The following MLKL variants were observed in gnomAD, a reference collection of about 807,000 sequenced individuals.
MLKL encodes mixed lineage kinase domain-like protein.
Under a neutral mutation model 56.5 loss-of-function variants are expected in MLKL, and 55 were observed. That is an observed-to-expected ratio of 0.97 (90% CI 0.78 to 1.22). The LOEUF (loss-of-function observed/expected upper bound fraction) is 1.22. Ranked by LOEUF, MLKL falls within the 50% of genes most tolerant of loss-of-function variation. The pLI, the probability that MLKL is intolerant of heterozygous loss-of-function variation, is 0.00. For synonymous variants in MLKL, 251 were observed against 208.3 expected, an observed-to-expected ratio of 1.20 and a Z score of -1.76; for missense variants, 694 against 573.9, an observed-to-expected ratio of 1.21 and a Z score of -2.14.
In MLKL at chr16:74,675,514, T is replaced by C. The variant is rs1167660430; in HGVS notation, c.1190+99A>G. 3 of 1,565,348 alleles carry C rather than the reference T, an allele frequency of 1.9e-6. No individual in the cohort carries two copies. In the African/African-American group the frequency reaches 4.1e-5, roughly 21 times the overall value. ...ATTTTTTGATTACTACCCAATTTCA[T>C]TCAACAGAGTTGAGTTTAGGTGGTC... On this transcript the variant is annotated intron_variant, in intron 8 of 10. Transcript: ENST00000308807.
intron 4 of MLKL, 76 bp downstream of exon 4, chr16:74,691,201 G>C: frequency 7.2e-7 from 1 of 1,383,556 alleles, no homozygotes; most frequent in Non-Finnish European, 9.8e-7. Context: ...TCTAAAAATG[G>C]AGACGATATC....
At chr16:74,692,176 A>G (rs940344245) in intron 3 of MLKL, among the ~76,000 whole-genome samples, 166 bp downstream of exon 3, 7 of 152,234 alleles carry the variant, frequency 4.6e-5, no homozygotes, top group African/African-American at 1.7e-4. Flanking sequence ...TTCCATGGAC[A>G]GAAGCCTGGG....
intron 1 of MLKL, among the ~76,000 whole-genome samples, chr16:74,699,614 A>G (rs949603978): frequency 1.3e-5 from 2 of 152,062 alleles, no homozygotes; most frequent in Non-Finnish European, 2.9e-5. Context: ...CTGCAGTGCT[A>G]TTTATAATAT....
intron 4 of MLKL, 43 bp from the exon 5 acceptor site, chr16:74,685,626 G>T (rs910612910): frequency 6.6e-7 from 1 of 1,515,906 alleles, no homozygotes; most frequent in Admixed American, 1.7e-5. Context: ...AGAACTGGAA[G>T]GTTCCTTAGA....
chr16:74,685,429 A>T, intron 5 of MLKL, 57 bp downstream of exon 5: 1 of 1,275,406 alleles, frequency 7.8e-7, no homozygotes, highest in South Asian at 1.2e-5. Flanking sequence ...ACATTAAAAC[A>T]CAGGAGGTGT....
intron 5 of MLKL, 46 bp downstream of exon 5, chr16:74,685,440 G>T: frequency 7.0e-7 from 1 of 1,428,686 alleles, no homozygotes; most frequent in Non-Finnish European, 9.9e-7. Context: ...CAGGAGGTGT[G>T]TTCTAGGCCA....
intron 2 of MLKL, among the ~76,000 whole-genome samples, chr16:74,693,065 A>G (rs1280384693): frequency 1.3e-5 from 2 of 152,204 alleles, no homozygotes; most frequent in Non-Finnish European, 2.9e-5. Context: ...GGTAGAAGTA[A>G]TATCTGTGCA....
chr16:74,678,114 T>C (rs181144501), intron 7 of MLKL: 1 of 152,406 alleles, frequency 6.6e-6, no homozygotes, highest in Admixed American at 6.5e-5. Context: ...ACCCACCTAA[T>C]GGGAGCCTCT....
intron 1 of MLKL, among the ~76,000 whole-genome samples, chr16:74,697,002 TATATA>T (rs1417389540): frequency 5.5e-5 from 8 of 146,524 alleles, no homozygotes; most frequent in African/African-American, 1.8e-4. Context: ...GTAATACATA[TATATA>T]ATATTACATA....
At chr16:74,673,249 G>T (rs892956000) in intron 10 of MLKL, among the ~76,000 whole-genome samples, 1 of 152,026 alleles carries the variant, frequency 6.6e-6, no homozygotes, top group East Asian at 1.9e-4. Context: ...ACAGAGTCTT[G>T]CTCTGTCACC....
At position 74,672,401 on chromosome 16, in the gene MLKL, C is replaced by T. The variant is rs1431882316; in HGVS notation, c.*103G>A. ...CAGAGAAGCGTGCCCACTCCTTGCA[C>T]CCATAGATAACCCAATGCCGAAGGA... On this transcript the variant is annotated 3_prime_UTR_variant, in exon 11 of 11. Coordinates refer to ENST00000308807, the MANE Select transcript of MLKL (RefSeq NM_152649.4). 13 of 1,102,704 alleles carry T rather than the reference C, an allele frequency of 1.2e-5. No individual in the cohort carries two copies. In the East Asian group the frequency reaches 2.6e-4, roughly 22 times the overall value. 68.3% of individuals were successfully genotyped at this position (1,102,704 alleles called of 1,614,324 possible). A position where few individuals can be genotyped will look rare whatever the true frequency, so the allele number is the denominator to read the frequency against.
At position 74,675,409 on chromosome 16, in the gene MLKL, A is replaced by G; in HGVS notation, c.1191-5T>C. 1 of 1,613,402 alleles carries G rather than the reference A, an allele frequency of 6.2e-7. No individual in the cohort carries two copies. Among genetic ancestry groups the G allele is most frequent in the Admixed American group, 1.7e-5 (1 of 60,006 alleles). ...TCCCAGAGGACGATTCCAAAGCTAA[A>G]AGAAAACCAAGAAACTGAACAACCA... On this transcript the variant is annotated splice_polypyrimidine_tract_variant and splice_region_variant and intron_variant, in intron 8 of 10. Transcript: ENST00000308807.
chr16:74,674,917 A>G (rs374253590), intron 10 of MLKL, 43 bp downstream of exon 10: 1 of 1,583,818 alleles, frequency 6.3e-7, no homozygotes, highest in Non-Finnish European at 8.6e-7. Flanking sequence ...CAAGTGTGAA[A>G]TAATGATGGG....
rs545461473 is a variant in MLKL at position 74,683,041 on chromosome 16, T to C, written c.821-255A>G. ...TAAAAAAAAAATTGGCTGGGTGCGT[T>C]GGCTCATGCCTGTAATCCCAGCACT... On this transcript the variant is annotated intron_variant, in intron 5 of 10. Coordinates refer to ENST00000308807, the MANE Select transcript of MLKL (RefSeq NM_152649.4). Among the ~76,000 whole-genome samples the C allele has an allele frequency of 2.3e-4, 35 of 152,306 alleles. 1 individual carries two copies. The highest frequency in any genetic ancestry group is 2.0e-3 in the Admixed American group (31 of 15,284).
chr16:74,698,127 G>C (rs1019073672), intron 1 of MLKL, among the ~76,000 whole-genome samples: 1 of 151,156 alleles, frequency 6.6e-6, no homozygotes, highest in African/African-American at 2.4e-5. Context: ...ATTGATTGAG[G>C]CTGGGAGGTC....
intron 4 of MLKL, 72 bp downstream of exon 4, chr16:74,691,205 C>T (rs184688125): frequency 2.5e-5 from 35 of 1,406,648 alleles, no homozygotes; most frequent in South Asian, 5.6e-5. Flanking sequence ...AAAATGGAGA[C>T]GATATCCCTC....
intron 10 of MLKL, among the ~76,000 whole-genome samples, chr16:74,673,999 A>G (rs1959411079): frequency 6.6e-6 from 1 of 151,580 alleles, no homozygotes; most frequent in Non-Finnish European, 1.5e-5. Context: ...AGATAAATAA[A>G]GGAAGGAAAT....
At chr16:74,679,144 C>A (rs1170860728) in intron 6 of MLKL, among the ~76,000 whole-genome samples, 164 bp from the exon 7 acceptor site, 2 of 152,114 alleles carry the variant, frequency 1.3e-5, no homozygotes, top group Admixed American at 1.3e-4. Context: ...AATCACAAGC[C>A]GTGAGTATAG....
intron 10 of MLKL, 115 bp downstream of exon 10, chr16:74,674,845 C>G: frequency 1.5e-6 from 2 of 1,298,922 alleles, no homozygotes; most frequent in Non-Finnish European, 2.1e-6. Context: ...AAATGTTCCC[C>G]GGATAAAACC....
Sources: allele counts gnomAD v4.1 joint callset (sites outside exome capture counted in the v4.1 genomes callset), GRCh38; gene constraint gnomAD v4.1.1; transcripts MANE v1.5; gene names NCBI Gene and HGNC (gene_info 2026-07-23, HGNC 2026-07-21).